KIF16B: variants seen among roughly 807,000 people sequenced by gnomAD.
The protein encoded by KIF16B is kinesin-like protein KIF16B.
KIF16B carries 98 observed loss-of-function variants against 156.3 expected under a neutral mutation model. The observed-to-expected ratio is 0.63, with a 90% confidence interval of 0.53 to 0.74. The LOEUF (loss-of-function observed/expected upper bound fraction) is 0.74. Among genes scored for constraint, KIF16B ranks in the 30% least tolerant of loss-of-function variants. KIF16B has a pLI of 0.00. For synonymous variants in KIF16B, 564 were observed against 583.7 expected (o/e 0.97, Z 0.49); for missense variants, 1,421 against 1,606.5 (o/e 0.88, Z 1.97).
At chr20:16,359,655 A>C (rs2064513221) in intron 22 of KIF16B, among the ~76,000 whole-genome samples, 1 of 68,762 alleles carries the variant, frequency 1.5e-5, no homozygotes, top group Admixed American at 1.2e-4. Flanking sequence ...GATTCTTTAC[A>C]AAAAAAAAAA....
rs8184110 is a variant in KIF16B, at chr20:16,519,196, T to C, written c.232-3532A>G. ...AATGGAAGTTCAACCAACATCAGTT[T>C]ATCTTTCCTCTCCCAGGCCTTCTTT... On this transcript the variant is annotated intron_variant, in intron 3 of 25. Transcript: ENST00000354981. Among the ~76,000 whole-genome samples, 358 of 152,224 alleles carry C rather than the reference T, an allele frequency of 2.4e-3. 9 individuals carry two copies. The East Asian group carries it at 0.059, about 25-fold the overall frequency.
intron 10 of KIF16B, 145 bp downstream of exon 10, chr20:16,504,227 G>T: frequency 1.3e-6 from 1 of 749,378 alleles, no homozygotes; most frequent in Non-Finnish European, 2.2e-6. Flanking sequence ...TGATGTAAAC[G>T]AGGGACTGGC....
chr20:16,349,288 C>A (rs1476174033), intron 23 of KIF16B, among the ~76,000 whole-genome samples: 1 of 152,220 alleles, frequency 6.6e-6, no homozygotes, highest in Non-Finnish European at 1.5e-5. Flanking sequence ...GTGCCACCTA[C>A]CCCTCCTTCC....
chr20:16,279,903 C>A (rs1464388485), intron 25 of KIF16B, among the ~76,000 whole-genome samples: 1 of 152,046 alleles, frequency 6.6e-6, no homozygotes, highest in Non-Finnish European at 1.5e-5. Context: ...TACAGCAATA[C>A]AGAGTAATTC....
intron 23 of KIF16B, among the ~76,000 whole-genome samples, chr20:16,354,444 A>G (rs564639521): frequency 7.3e-6 from 1 of 136,850 alleles, no homozygotes; most frequent in African/African-American, 2.8e-5. Context: ...TTTTATATTC[A>G]TGTATAATCA....
At chr20:16,564,741 CTTCCT>C (rs1340304981) in intron 1 of KIF16B, among the ~76,000 whole-genome samples, 1 of 152,028 alleles carries the variant, frequency 6.6e-6, no homozygotes, top group Non-Finnish European at 1.5e-5. Context: ...AGGCTCCCTC[CTTCCT>C]TTCATCTCTC....
At position 16,528,431 on chromosome 20, in the gene KIF16B, G is replaced by C; in HGVS notation, c.57C>G (p.Asp19Glu). ...TCTGAATAATGAACTTGGCCTCCAA[G>C]TCCTTTTCCCTGCAATACAAATAAT... is the stretch of plus-strand genomic sequence containing the variant. ...RVRPMNRREK[D>E]LEAKFIIQME... The change falls in exon 2 of 26, where the codon GAC becomes GAG. Residue 19 changes from aspartate to glutamate, a missense_variant. Asp to Glu is a conservative substitution (Grantham distance 45). Transcript: ENST00000354981. The C allele has an allele frequency of 2.5e-6, 4 of 1,611,454 alleles. No individual in the cohort carries two copies. Among genetic ancestry groups the C allele is most frequent in the Non-Finnish European group, 3.4e-6 (4 of 1,177,586 alleles).
intron 1 of KIF16B, among the ~76,000 whole-genome samples, chr20:16,569,420 C>T (rs928484611): frequency 6.6e-6 from 1 of 152,188 alleles, no homozygotes; most frequent in Non-Finnish European, 1.5e-5. Flanking sequence ...ATTTTGCCTA[C>T]GTAACAGAAT....
intron 22 of KIF16B, among the ~76,000 whole-genome samples, chr20:16,362,020 G>A (rs1373739450): frequency 6.6e-6 from 1 of 152,190 alleles, no homozygotes; most frequent in Non-Finnish European, 1.5e-5. Flanking sequence ...TAAATATGGG[G>A]TCTATTATAC....
At chr20:16,481,254 T>TA (rs201449688) in intron 12 of KIF16B, among the ~76,000 whole-genome samples, 4,078 of 152,284 alleles carry the variant, frequency 0.027, 192 homozygotes, top group African/African-American at 0.094. Flanking sequence ...TGGAGTACAG[T>TA]GAGCAATCAC....
chr20:16,306,094 C>T (rs2063537175), intron 25 of KIF16B, among the ~76,000 whole-genome samples: 2 of 152,192 alleles, frequency 1.3e-5, no homozygotes, highest in African/African-American at 4.8e-5. Flanking sequence ...TAATACAAGT[C>T]CAAATTCTTA....
chr20:16,336,273 T>G (rs1028207595), intron 23 of KIF16B, among the ~76,000 whole-genome samples: 1 of 152,164 alleles, frequency 6.6e-6, no homozygotes, highest in Non-Finnish European at 1.5e-5. Flanking sequence ...CATCTCTTAA[T>G]TGGTTATAAA....
intron 6 of KIF16B, among the ~76,000 whole-genome samples, chr20:16,509,907 C>G (rs975452257): frequency 6.6e-6 from 1 of 152,272 alleles, no homozygotes; most frequent in Non-Finnish European, 1.5e-5. Context: ...CTTCTTTCCT[C>G]CAGGTTTCCG....
intron 1 of KIF16B, among the ~76,000 whole-genome samples, chr20:16,548,365 A>G (rs2070493530): frequency 6.6e-6 from 1 of 152,230 alleles, no homozygotes; most frequent in East Asian, 1.9e-4. Flanking sequence ...AGCTCCTTTC[A>G]GAGCTGTATC....
At chr20:16,505,410 C>G (rs1370129222) in intron 9 of KIF16B, among the ~76,000 whole-genome samples, 1 of 152,090 alleles carries the variant, frequency 6.6e-6, no homozygotes, top group Admixed American at 6.6e-5. Flanking sequence ...GTTATTTTGA[C>G]CTTGTGTTCC....
At chr20:16,473,630 T>C (rs1192854315) in intron 12 of KIF16B, among the ~76,000 whole-genome samples, 1 of 152,188 alleles carries the variant, frequency 6.6e-6, no homozygotes, top group Non-Finnish European at 1.5e-5. Flanking sequence ...ACTCCCTATG[T>C]AATCCCAAAG....
rs907144838 is a variant in KIF16B, at chr20:16,374,268, G to A, written c.3339C>T (p.Leu1113=). ...VSAEKSHLVP[L]MDARINAYIE... ...TTCATGTCCAGTACCTGGCATCCAT[G>A]AGGGGAACCAGGTGTGATTTTTCAG... is the stretch of plus-strand genomic sequence containing the variant. Residue 1113 remains leucine (L), a synonymous_variant, in exon 20 of 26, where the codon CTC becomes CTT. Coordinates refer to ENST00000354981, the MANE Select transcript of KIF16B (RefSeq NM_024704.5). 4 of 1,585,564 alleles carry A rather than the reference G, an allele frequency of 2.5e-6. No homozygotes were observed. The highest frequency in any genetic ancestry group is 3.4e-6 in the Non-Finnish European group (4 of 1,163,700).
intron 12 of KIF16B, among the ~76,000 whole-genome samples, chr20:16,474,758 C>T (rs560908809): frequency 1.6e-3 from 240 of 152,286 alleles, no homozygotes; most frequent in African/African-American, 5.2e-3. Context: ...CAACTATGTA[C>T]CACTAAACCC....
At chr20:16,466,531 T>C (rs181630651) in intron 12 of KIF16B, among the ~76,000 whole-genome samples, 72 of 152,198 alleles carry the variant, frequency 4.7e-4, no homozygotes, top group Non-Finnish European at 8.1e-4. Context: ...GATCTGATGG[T>C]TTTATAAAGG....
Sources: gnomAD v4.1 joint callset for allele counts (sites outside exome capture counted in the v4.1 genomes callset) on GRCh38, gnomAD v4.1.1 for gene constraint, MANE v1.5 for transcripts, NCBI Gene and HGNC (gene_info 2026-07-23, HGNC 2026-07-21) for gene names.